Variants in OR8J1 observed in about 807,000 individuals in gnomAD.
OR8J1 encodes olfactory receptor 8J1.
For missense variants in OR8J1, 400 were observed against 373.0 expected (o/e 1.07, Z -0.60); for synonymous variants, 157 against 144.3 (o/e 1.09, Z -0.63).
intron 1 of OR8J1, among the ~76,000 whole-genome samples, chr11:56,359,715 G>A (rs961904955): frequency 1.3e-5 from 2 of 152,134 alleles, no homozygotes; most frequent in African/African-American, 4.8e-5. Context: ...AAACAGACAT[G>A]GATGGTAAAA....
rs192415557 is a variant in OR8J1 at position 56,359,022 on chromosome 11, G to A, written c.-20-1205G>A. Among the ~76,000 whole-genome samples, 286 of 151,714 alleles carry A rather than the reference G, an allele frequency of 1.9e-3. 1 individual carries two copies. Among genetic ancestry groups the A allele is most frequent in the African/African-American group, 6.9e-3 (285 of 41,414 alleles). On this transcript the variant is annotated intron_variant, in intron 1 of 1. Coordinates refer to ENST00000533152, the MANE Select transcript of OR8J1 (RefSeq NM_001005205.3). ...TTTCATTGTATCTTTTTTTTTACAA[G>A]GAGACAAAATTTAAACAACGCTGGG...
Position 56,361,421 on chromosome 11 carries a change from C to T in OR8J1, c.*224C>T, listed in dbSNP as rs947762410. On this transcript the variant is annotated 3_prime_UTR_variant, in exon 2 of 2. Coordinates refer to ENST00000533152, the MANE Select transcript of OR8J1 (RefSeq NM_001005205.3). ...AAAAAAATGTTATTTACCAATTCTG[C>T]CTGGGATTAAGCAGGTAGACAGTTT... 3 of 383,088 alleles carry T rather than the reference C, an allele frequency of 7.8e-6. No homozygotes were observed. The highest frequency in any genetic ancestry group is 4.5e-5 in the Admixed American group (1 of 22,330). 23.7% of individuals were successfully genotyped at this position (383,088 alleles called of 1,614,324 possible).
intron 1 of OR8J1, among the ~76,000 whole-genome samples, chr11:56,357,026 AAT>A (rs1854977332): frequency 1.3e-5 from 2 of 152,188 alleles, no homozygotes; most frequent in South Asian, 2.1e-4. Context: ...TGCTCCTGTC[AAT>A]GTTACCATGT....
At position 56,360,788 on chromosome 11, in the gene OR8J1, A is replaced by G; in HGVS notation, c.542A>G (p.Asn181Ser). The G allele has an allele frequency of 6.3e-7, 1 of 1,577,218 alleles. No homozygotes were observed. The highest frequency in any genetic ancestry group is 1.9e-5 in the Admixed American group (1 of 51,658). The change falls in exon 2 of 2, where the codon AAT becomes AGT. Residue 181 changes from asparagine (N) to serine (S), a missense_variant. Transcript: ENST00000533152. ...ATAATCAATCATTTTTACTGTGATA[A>G]TGTTCCTCTGTTAGCATTATCTTGC... is the stretch of plus-strand genomic sequence containing the variant. ...SNIINHFYCD[N>S]VPLLALSCSD...
At chr11:56,355,958 T>G (rs933401963) in intron 1 of OR8J1, among the ~76,000 whole-genome samples, 4 of 152,112 alleles carry the variant, frequency 2.6e-5, no homozygotes, top group African/African-American at 9.7e-5. Context: ...TCAATAACAG[T>G]GAAGACATGG....
intron 1 of OR8J1, chr11:56,358,109 T>A (rs908416757): frequency 2.0e-6 from 1 of 495,728 alleles, no homozygotes; most frequent in African/African-American, 1.9e-5. Context: ...AAGACAGAAG[T>A]TATGAAGAAG....
At chr11:56,355,015 C>T (rs947932078) in intron 1 of OR8J1, among the ~76,000 whole-genome samples, 1 of 151,918 alleles carries the variant, frequency 6.6e-6, no homozygotes, top group African/African-American at 2.4e-5. Context: ...ATACACTATC[C>T]AACCCTAGAT....
At chr11:56,354,769 C>G (rs1159087523) in intron 1 of OR8J1, among the ~76,000 whole-genome samples, 1 of 152,094 alleles carries the variant, frequency 6.6e-6, no homozygotes, top group East Asian at 1.9e-4. Context: ...TGCAAGTATT[C>G]TCAGAAAAAT....
At chr11:56,358,381 C>T (rs1421564698) in intron 1 of OR8J1, among the ~76,000 whole-genome samples, 1 of 152,092 alleles carries the variant, frequency 6.6e-6, no homozygotes, top group African/African-American at 2.4e-5. Flanking sequence ...ACCCCCTACC[C>T]CCTCAAAAAC....
Position 56,361,228 on chromosome 11 carries a change from G to A in OR8J1, c.*31G>A, listed in dbSNP as rs1317887523. ...AACAGTACAGGTAAATGAGGAGAGA[G>A]TTAATATAAGCTGCCATTATGTAAA... On this transcript the variant is annotated 3_prime_UTR_variant, in exon 2 of 2. Transcript: ENST00000533152. The A allele has an allele frequency of 1.1e-6, 1 of 920,490 alleles. No individual in the cohort carries two copies. The highest frequency in any genetic ancestry group is 1.5e-6 in the Non-Finnish European group (1 of 671,146). 57.0% of individuals were successfully genotyped at this position (920,490 alleles called of 1,614,324 possible).
Position 56,361,085 on chromosome 11 carries a change from C to T in OR8J1, c.839C>T (p.Thr280Met), listed in dbSNP as rs1433154852. The change falls in exon 2 of 2, where the codon ACG becomes ATG. Residue 280 changes from threonine to methionine, a missense_variant. Thr to Met is a moderately conservative substitution (Grantham distance 81). Coordinates refer to ENST00000533152, the MANE Select transcript of OR8J1 (RefSeq NM_001005205.3). ...GATAAGATGGCTTCTGTGTTTTACA[C>T]GTTGGTAATTCCTATGCTGAATCCC... ...TDDKMASVFY[T>M]LVIPMLNPLI... The T allele has an allele frequency of 3.3e-6, 5 of 1,513,444 alleles. No homozygotes were observed. The highest frequency in any genetic ancestry group is 2.4e-5 in the East Asian group (1 of 42,494). 93.8% of individuals were successfully genotyped at this position (1,513,444 alleles called of 1,614,324 possible). A position where few individuals can be genotyped will look rare whatever the true frequency, so the allele number is the denominator to read the frequency against.
intron 1 of OR8J1, 62 bp from the exon 2 acceptor site, chr11:56,360,164 CA>C (rs1852613885): frequency 3.8e-6 from 4 of 1,057,950 alleles, no homozygotes; most frequent in Non-Finnish European, 5.5e-6. Flanking sequence ...TTGTCCTAGC[CA>C]TATAAGGGCA....
intron 1 of OR8J1, among the ~76,000 whole-genome samples, chr11:56,359,796 T>A (rs1014215086): frequency 6.6e-6 from 1 of 152,138 alleles, no homozygotes; most frequent in African/African-American, 2.4e-5. Context: ...GTTAGGATAG[T>A]ACCTAGAATC....
In OR8J1 at chr11:56,360,293, G is replaced by A; in HGVS notation, c.47G>A (p.Gly16Asp). The stretch of plus-strand genomic sequence containing the variant: ...AGAGTCACTGAGTTTATTCTTACAG[G>A]TGTCTCTAGCTGTCCAGAGCTCCAG... ...FTRVTEFILT[G>D]VSSCPELQIP... Residue 16 changes from glycine to aspartate, a missense_variant, in exon 2 of 2, where the codon GGT becomes GAT. Coordinates refer to ENST00000533152, the MANE Select transcript of OR8J1 (RefSeq NM_001005205.3). The A allele has an allele frequency of 1.2e-6, 2 of 1,600,532 alleles. No individual in the cohort carries two copies. The highest frequency in any genetic ancestry group is 1.1e-5 in the South Asian group (1 of 88,644).
intron 1 of OR8J1, among the ~76,000 whole-genome samples, chr11:56,356,226 A>G (rs1357349813): frequency 6.6e-6 from 1 of 152,224 alleles, no homozygotes; most frequent in African/African-American, 2.4e-5. Context: ...GCTCTAAGGA[A>G]GTAGAAGAGG....
Position 56,360,456 on chromosome 11 carries a change from T to C in OR8J1, c.210T>C (p.Asn70=), listed in dbSNP as rs142273526. 4.0e-3 allele frequency: 6,488 copies of C among 1,614,138 alleles called. 24 individuals carry two copies. The highest frequency in any genetic ancestry group is 4.3e-3 in the Non-Finnish European group (5,115 of 1,180,018). The change falls in exon 2 of 2, where the codon AAT becomes AAC. Residue 70 remains asparagine, a synonymous_variant. Coordinates refer to ENST00000533152, the MANE Select transcript of OR8J1 (RefSeq NM_001005205.3). ...TCCTGCAACATCTGGCTCTCATTAA[T>C]CTTGGTAACTCTACTGTCATTGCCC... ...YFFLQHLALI[N]LGNSTVIAPK...
At position 56,360,781 on chromosome 11, in the gene OR8J1, T is replaced by C; in HGVS notation, c.535T>C (p.Cys179Arg). 1.3e-6 allele frequency: 2 copies of C among 1,581,300 alleles called. No homozygotes were observed. The highest frequency in any genetic ancestry group is 1.7e-6 in the Non-Finnish European group (2 of 1,168,572). ...CSSNIINHFY[C>R]DNVPLLALSC... ...TTCTAATATAATCAATCATTTTTAC[T>C]GTGATAATGTTCCTCTGTTAGCATT... The change falls in exon 2 of 2, where the codon TGT becomes CGT. Residue 179 changes from cysteine to arginine, a missense_variant. Coordinates refer to ENST00000533152, the MANE Select transcript of OR8J1 (RefSeq NM_001005205.3).
At chr11:56,357,776 C>G in intron 1 of OR8J1, 1 of 1,410,220 alleles carries the variant, frequency 7.1e-7, no homozygotes. Context: ...CAGGCCTTGC[C>G]AGAACTACCA....
chr11:56,360,602 C>T lies in OR8J1; in HGVS notation c.356C>T (p.Ala119Val), dbSNP rs758056617. The change falls in exon 2 of 2, where the codon GCC becomes GTC. Residue 119 changes from alanine (A) to valine (V), a missense_variant. Transcript: ENST00000533152. ...GAGGTAATCATGCTGGCTTTGATGGCCTATGACCGCTATGTGGCTATTTGT... is the reference window on the plus strand; with the variant it reads ...GAGGTAATCATGCTGGCTTTGATGGTCTATGACCGCTATGTGGCTATTTGT... ...VSEVIMLALM[A>V]YDRYVAICNP... The T allele has an allele frequency of 4.3e-6, 7 of 1,613,630 alleles. No individual in the cohort carries two copies. Among genetic ancestry groups the T allele is most frequent in the Non-Finnish European group, 5.9e-6 (7 of 1,179,844 alleles).
Sources: allele counts gnomAD v4.1 joint callset (sites outside exome capture counted in the v4.1 genomes callset), GRCh38; gene constraint gnomAD v4.1.1; transcripts MANE v1.5; gene names NCBI Gene and HGNC (gene_info 2026-07-23, HGNC 2026-07-21).